ZNF407: variants seen among roughly 807,000 people sequenced by gnomAD.
ZNF407 encodes zinc finger protein 407.
In ZNF407, 17 loss-of-function variants were observed where a neutral mutation model predicts 131.2. The observed-to-expected ratio is 0.13, with a 90% CI of 0.09 to 0.19. ZNF407 has a LOEUF of 0.19. Ranked by LOEUF, ZNF407 falls within the 10% of genes least tolerant of loss-of-function variation. The pLI is 1.00. For synonymous variants in ZNF407, 1,156 were observed against 1,062.0 expected (o/e 1.09, Z -1.72); for missense variants, 2,681 against 2,830.6 (o/e 0.95, Z 1.20).
chr18:74,621,088 C>T (rs985212408), intron 1 of ZNF407, among the ~76,000 whole-genome samples: 2 of 109,708 alleles, frequency 1.8e-5, no homozygotes, highest in African/African-American at 2.8e-5. Flanking sequence ...ATTTAAAACT[C>T]GCTCTACTGT....
rs537641541 is a variant in ZNF407 at position 74,718,488 on chromosome 18, C to T, written c.4803-62940C>T. On this transcript the variant is annotated intron_variant, in intron 3 of 8. Coordinates refer to ENST00000299687, the MANE Select transcript of ZNF407 (RefSeq NM_017757.3). ...GCAGTGAGCTGTGATCATGATATTG[C>T]ATTCCAGCCTGGGTGACAGAGTGAC... 2.6e-4 allele frequency among the ~76,000 whole-genome samples: 40 copies of T among 152,056 alleles called. 1 individual carries two copies. The highest frequency in any genetic ancestry group is 8.9e-4 in the African/African-American group (37 of 41,506).
intron 3 of ZNF407, among the ~76,000 whole-genome samples, chr18:74,759,268 A>T (rs1969036965): frequency 6.6e-6 from 1 of 151,744 alleles, no homozygotes; most frequent in African/African-American, 2.4e-5. Context: ...TGCTCTCAGG[A>T]TTCTCTTTTT....
At chr18:74,915,321 A>AGTGTGT (rs5826357) in intron 7 of ZNF407, among the ~76,000 whole-genome samples, 26 of 133,096 alleles carry the variant, frequency 2.0e-4, no homozygotes, top group African/African-American at 2.6e-4. Context: ...TCGAATCGGG[A>AGTGTGT]GTGTGTGTGT....
intron 1 of ZNF407, among the ~76,000 whole-genome samples, chr18:74,601,305 TTGTGTGTG>T (rs748852719): frequency 2.8e-5 from 4 of 141,168 alleles, no homozygotes; most frequent in African/African-American, 8.0e-5. Context: ...CTTCAGTTAG[TTGTGTGTG>T]TGTGTGTGTG....
At chr18:74,704,703 C>A (rs1420367100) in intron 3 of ZNF407, among the ~76,000 whole-genome samples, 1 of 152,162 alleles carries the variant, frequency 6.6e-6, no homozygotes, top group East Asian at 1.9e-4. Flanking sequence ...GCTTAAGTTG[C>A]GTGCTCTTTG....
intron 8 of ZNF407, among the ~76,000 whole-genome samples, chr18:75,014,994 T>C (rs2122189594): frequency 6.6e-6 from 1 of 152,206 alleles, no homozygotes; most frequent in Non-Finnish European, 1.5e-5. Flanking sequence ...CCTGAATGGA[T>C]TAATTGTTTC....
At chr18:74,946,027 C>G (rs1390005707) in intron 8 of ZNF407, among the ~76,000 whole-genome samples, 1 of 152,146 alleles carries the variant, frequency 6.6e-6, no homozygotes. Context: ...ACCGTCACCC[C>G]CAAAGTAGTC....
intron 3 of ZNF407, among the ~76,000 whole-genome samples, chr18:74,648,522 G>A (rs866068955): frequency 6.6e-6 from 1 of 152,184 alleles, no homozygotes. Context: ...GAAGAGAGAA[G>A]TGGAAAGCCT....
intron 2 of ZNF407, among the ~76,000 whole-genome samples, chr18:74,639,950 A>G (rs1369160802): frequency 2.0e-5 from 3 of 152,002 alleles, no homozygotes; most frequent in African/African-American, 7.2e-5. Flanking sequence ...TTTAAATTTG[A>G]GCTCTTTTTG....
In ZNF407 at chr18:74,890,016, A is replaced by G; in HGVS notation, c.5227A>G (p.Arg1743Gly). 6.3e-7 allele frequency: 1 copy of G among 1,597,608 alleles called. No homozygotes were observed. The highest frequency in any genetic ancestry group is 1.3e-5 in the African/African-American group (1 of 74,750). Reference sequence around the variant, plus strand: ...TGTCCACACTGGAGAAAAGCCCTACAGATGCCCCTGGTGTGACTACAGGTA... The same window carrying G: ...TGTCCACACTGGAGAAAAGCCCTACGGATGCCCCTGGTGTGACTACAGGTA... Reference protein sequence around the residue: ...KRVHTGEKPYRCPWCDYRSNC... With the variant: ...KRVHTGEKPYGCPWCDYRSNC... Residue 1743 changes from arginine to glycine, a missense_variant, in exon 7 of 9, where the codon AGA (arginine) becomes GGA (glycine). Arg to Gly is a moderately radical substitution (Grantham distance 125). Coordinates refer to ENST00000299687, the MANE Select transcript of ZNF407 (RefSeq NM_017757.3).
intron 3 of ZNF407, among the ~76,000 whole-genome samples, chr18:74,665,663 A>G (rs1484316277): frequency 1.3e-5 from 2 of 152,078 alleles, no homozygotes; most frequent in East Asian, 3.9e-4. Flanking sequence ...TTTTGTTGTG[A>G]TATATGATGC....
chr18:74,861,799 T>G (rs568182174), intron 4 of ZNF407, among the ~76,000 whole-genome samples: 1 of 152,326 alleles, frequency 6.6e-6, no homozygotes, highest in South Asian at 2.1e-4. Context: ...TAAAAAATAT[T>G]TTTATTTCAT....
At chr18:74,936,144 C>T (rs1287736222) in intron 8 of ZNF407, among the ~76,000 whole-genome samples, 1 of 152,156 alleles carries the variant, frequency 6.6e-6, no homozygotes, top group Non-Finnish European at 1.5e-5. Flanking sequence ...ATATTTGATG[C>T]TCAGTTTGAA....
In ZNF407 at chr18:74,652,510, T is replaced by G. The variant is rs372951950; in HGVS notation, c.4802+11388T>G. Among the ~76,000 whole-genome samples, 193 of 152,174 alleles carry G rather than the reference T, an allele frequency of 1.3e-3. 6 individuals carry two copies. In the South Asian group the frequency reaches 0.039, roughly 31 times the overall value. The stretch of plus-strand genomic sequence containing the variant: ...GCTTATTACATGAATATTGCTTATA[T>G]TTTCCCCCCATGCTGAGAACTTAAA... On this transcript the variant is annotated intron_variant, in intron 3 of 8. Transcript: ENST00000299687.
At chr18:74,739,435 G>A (rs906078592) in intron 3 of ZNF407, among the ~76,000 whole-genome samples, 1 of 151,744 alleles carries the variant, frequency 6.6e-6, no homozygotes, top group African/African-American at 2.4e-5. Flanking sequence ...CTAAAAAGTA[G>A]GTGGTCATTG....
At chr18:74,644,315 A>G (rs760002848) in intron 3 of ZNF407, among the ~76,000 whole-genome samples, 3 of 151,146 alleles carry the variant, frequency 2.0e-5, no homozygotes, top group African/African-American at 7.3e-5. Context: ...AAAATCTGTT[A>G]TGACTCTGAC....
intron 4 of ZNF407, chr18:74,804,523 T>C: frequency 1.0e-6 from 1 of 987,874 alleles, no homozygotes; most frequent in Non-Finnish European, 1.2e-6. Context: ...GATGCAAAAA[T>C]ACCAGGCTAA....
chr18:74,646,122 A>G (rs1765477131), intron 3 of ZNF407, among the ~76,000 whole-genome samples: 1 of 152,224 alleles, frequency 6.6e-6, no homozygotes, highest in African/African-American at 2.4e-5. Flanking sequence ...ATATTTAAAA[A>G]TACATGGTTG....
intron 8 of ZNF407, among the ~76,000 whole-genome samples, chr18:75,025,474 A>G (rs1331561448): frequency 1.3e-5 from 2 of 152,234 alleles, no homozygotes; most frequent in African/African-American, 4.8e-5. Context: ...AGGGTTATAA[A>G]TGTGGCAGCT....
Sources: gnomAD v4.1 joint callset for allele counts (sites outside exome capture counted in the v4.1 genomes callset) on GRCh38, gnomAD v4.1.1 for gene constraint, MANE v1.5 for transcripts, NCBI Gene and HGNC (gene_info 2026-07-23, HGNC 2026-07-21) for gene names.